FRYL: variants seen among roughly 807,000 people sequenced by gnomAD.
FRYL encodes protein furry homolog-like.
In FRYL, 150 loss-of-function variants were observed where a neutral mutation model predicts 351.2. That is an observed-to-expected ratio of 0.43 (90% CI 0.37 to 0.49). The LOEUF is 0.49. FRYL is among the 20% of genes least tolerant of loss of function. FRYL has a pLI of 0.00. For missense variants in FRYL, 3,036 were observed against 3,619.3 expected (o/e 0.84, Z 4.13); for synonymous variants, 1,153 against 1,257.1 (o/e 0.92, Z 1.75).
rs1014698180 is a variant in FRYL at position 48,497,361 on chromosome 4, TTGC to T, written c.*2058_*2060del. ...CCTAATGAATTTGTTTGCATCTTGC[TTGC>T]TGCAGGTATATTCATTTTTATTATA... On this transcript the variant is annotated 3_prime_UTR_variant, in exon 64 of 64. Transcript: ENST00000358350. 3.9e-5 allele frequency: 6 copies of T among 152,288 alleles called. No homozygotes were observed. Among genetic ancestry groups the T allele is most frequent in the Admixed American group, 3.9e-4 (6 of 15,280 alleles). The allele number at this position is 152,288 out of a possible 1,614,324, so 9.4% of individuals were successfully genotyped here.
At chr4:48,531,754 A>G (rs140831004) in intron 49 of FRYL, among the ~76,000 whole-genome samples, 212 of 152,358 alleles carry the variant, frequency 1.4e-3, no homozygotes, top group African/African-American at 4.7e-3. Flanking sequence ...AAGTCTTTGC[A>G]GATAAAAATT....
In FRYL at chr4:48,663,713, TG is replaced by T. The variant is rs766618661; in HGVS notation, c.-81+20959del. ...TGGCGTGAACCCGGGAGGCGGAGCTTGCAGTGAGCCGAGATCGCGCCACTGC... is the reference window on the plus strand; with the variant it reads ...TGGCGTGAACCCGGGAGGCGGAGCTTCAGTGAGCCGAGATCGCGCCACTGC... On this transcript the variant is annotated intron_variant, in intron 3 of 63. Coordinates refer to ENST00000358350, the MANE Select transcript of FRYL (RefSeq NM_015030.2). Among the ~76,000 whole-genome samples, 27 of 134,742 alleles carry T rather than the reference TG, an allele frequency of 2.0e-4. No individual in the cohort carries two copies. In the East Asian group the frequency reaches 4.1e-3, roughly 21 times the overall value. 88.4% of individuals were successfully genotyped at this position (134,742 alleles called of 152,430 possible).
intron 1 of FRYL, among the ~76,000 whole-genome samples, chr4:48,763,214 C>G (rs550769046): frequency 1.2e-4 from 18 of 151,052 alleles, no homozygotes; most frequent in Middle Eastern, 6.9e-3. Context: ...TAATTCCAAG[C>G]ACTTTGAGAG....
At chr4:48,644,939 T>C (rs1756092762) in intron 3 of FRYL, among the ~76,000 whole-genome samples, 1 of 150,260 alleles carries the variant, frequency 6.7e-6, no homozygotes, top group Non-Finnish European at 1.5e-5. Flanking sequence ...TGATAGAAAA[T>C]ATAAAACATT....
At chr4:48,773,006 CAAA>C (rs1775673465) in intron 1 of FRYL, among the ~76,000 whole-genome samples, 2 of 152,148 alleles carry the variant, frequency 1.3e-5, no homozygotes, top group Admixed American at 1.3e-4. Flanking sequence ...GCACCAGCAT[CAAA>C]GTGTCTTACA....
intron 47 of FRYL, among the ~76,000 whole-genome samples, chr4:48,537,897 G>A (rs1418663409): frequency 4.6e-5 from 7 of 152,006 alleles, no homozygotes; most frequent in Non-Finnish European, 8.8e-5. Context: ...CTTTTTAGGG[G>A]ATTTATGCCT....
chr4:48,772,284 T>G (rs981907612), intron 1 of FRYL, among the ~76,000 whole-genome samples: 1 of 152,164 alleles, frequency 6.6e-6, no homozygotes, highest in African/African-American at 2.4e-5. Flanking sequence ...TTTTTGATAG[T>G]AATTCACTTG....
chr4:48,593,660 G>A (rs1274591209), intron 16 of FRYL, among the ~76,000 whole-genome samples: 1 of 152,020 alleles, frequency 6.6e-6, no homozygotes, highest in African/African-American at 2.4e-5. Flanking sequence ...CACCGTGCCC[G>A]GCCTATTTAT....
chr4:48,619,114 C>T, intron 7 of FRYL, 160 bp downstream of exon 7: 1 of 583,272 alleles, frequency 1.7e-6, no homozygotes, highest in Non-Finnish European at 3.0e-6. Context: ...AGGTACAGGG[C>T]AGGAAAGCCC....
In FRYL at chr4:48,634,277, T is replaced by C. The variant is rs777964016; in HGVS notation, c.120+14A>G. ...CAAGAAAATATTTCAGATTTATAGG[T>C]CAGCTGTACTCACCAAGGGTTCGGC... On this transcript the variant is annotated intron_variant, in intron 4 of 63. Coordinates refer to ENST00000358350, the MANE Select transcript of FRYL (RefSeq NM_015030.2). 10 of 1,587,098 alleles carry C rather than the reference T, an allele frequency of 6.3e-6. No homozygotes were observed. In the Admixed American group the frequency reaches 1.7e-4, roughly 27 times the overall value.
chr4:48,684,869 A>G (rs1234279706), intron 2 of FRYL, 74 bp from the exon 3 acceptor site: 2 of 152,222 alleles, frequency 1.3e-5, no homozygotes, highest in Non-Finnish European at 2.9e-5. Context: ...CATCCTTCTG[A>G]ACACATTTTA....
intron 1 of FRYL, among the ~76,000 whole-genome samples, chr4:48,740,908 T>C (rs1369924190): frequency 2.6e-5 from 4 of 152,020 alleles, no homozygotes; most frequent in Non-Finnish European, 5.9e-5. Flanking sequence ...TGTTATTTAC[T>C]CAAAGGAGAT....
intron 1 of FRYL, among the ~76,000 whole-genome samples, chr4:48,762,239 T>C (rs527406099): frequency 1.3e-5 from 2 of 152,290 alleles, no homozygotes; most frequent in African/African-American, 4.8e-5. Flanking sequence ...ATGAAGACAT[T>C]CCCCAAAGTG....
At chr4:48,644,620 A>C (rs1304600831) in intron 3 of FRYL, among the ~76,000 whole-genome samples, 3 of 151,952 alleles carry the variant, frequency 2.0e-5, no homozygotes, top group Admixed American at 1.3e-4. Context: ...CTAAAGAAAA[A>C]ATAAATATAC....
At chr4:48,761,361 GATT>G (rs1484607928) in intron 1 of FRYL, among the ~76,000 whole-genome samples, 1 of 152,142 alleles carries the variant, frequency 6.6e-6, no homozygotes, top group Admixed American at 6.6e-5. Context: ...GGTCCCACAA[GATT>G]ATAATGAAGC....
chr4:48,723,929 A>T (rs1336872575), intron 1 of FRYL, among the ~76,000 whole-genome samples: 3 of 134,250 alleles, frequency 2.2e-5, no homozygotes, highest in African/African-American at 9.0e-5. Flanking sequence ...CTACAAAAAA[A>T]AAAATAAATA....
chr4:48,535,587 A>ACG, intron 48 of FRYL, 70 bp downstream of exon 48: 2 of 511,738 alleles, frequency 3.9e-6, no homozygotes, highest in Non-Finnish European at 5.4e-6. Context: ...ATATACACAT[A>ACG]CACACACACA....
intron 55 of FRYL, among the ~76,000 whole-genome samples, chr4:48,519,995 T>G (rs1231623856): frequency 1.3e-5 from 2 of 152,192 alleles, no homozygotes; most frequent in African/African-American, 4.8e-5. Context: ...CCTCCCAAAG[T>G]GCTGGGATTA....
intron 1 of FRYL, among the ~76,000 whole-genome samples, chr4:48,756,441 T>C (rs1276584241): frequency 2.0e-5 from 3 of 152,114 alleles, no homozygotes; most frequent in East Asian, 1.9e-4. Flanking sequence ...ATACCTACTG[T>C]CTCTGCCACT....
Sources: allele counts gnomAD v4.1 joint callset (sites outside exome capture counted in the v4.1 genomes callset), GRCh38; gene constraint gnomAD v4.1.1; transcripts MANE v1.5; gene names NCBI Gene and HGNC (gene_info 2026-07-23, HGNC 2026-07-21).